The following PTPRG variants were observed in gnomAD, a reference collection of about 807,000 sequenced individuals.
PTPRG encodes receptor-type tyrosine-protein phosphatase gamma.
PTPRG carries 102 observed loss-of-function variants against 165.3 expected under a neutral mutation model. The ratio of observed to expected loss-of-function variants is 0.62; its 90% CI spans 0.53 to 0.73. The LOEUF (loss-of-function observed/expected upper bound fraction) is 0.73. Among genes scored for constraint, PTPRG ranks in the 30% least tolerant of loss-of-function variants. The pLI is 0.00. For synonymous variants in PTPRG, 675 were observed against 669.5 expected, an observed-to-expected ratio of 1.01 and a Z score of -0.13; for missense variants, 1,866 against 1,861.4, an observed-to-expected ratio of 1.00 and a Z score of -0.05.
intron 12 of PTPRG, among the ~76,000 whole-genome samples, chr3:62,208,039 T>G (rs1254662199): frequency 2.1e-4 from 32 of 152,206 alleles, no homozygotes; most frequent in Admixed American, 2.1e-3. Flanking sequence ...AATTTCTGCT[T>G]TTTAAAAATG....
chr3:61,689,600 A>G (rs1055790331), intron 1 of PTPRG, among the ~76,000 whole-genome samples: 1 of 152,194 alleles, frequency 6.6e-6, no homozygotes, highest in Non-Finnish European at 1.5e-5. Context: ...GACCTTGGAA[A>G]TTGAGGCACT....
intron 4 of PTPRG, among the ~76,000 whole-genome samples, chr3:62,047,488 C>G (rs2106638595): frequency 6.6e-6 from 1 of 151,782 alleles, no homozygotes; most frequent in Admixed American, 6.6e-5. Context: ...TGTCGATCTC[C>G]TGACCTCAGG....
chr3:61,838,367 TC>T (rs1394993900), intron 2 of PTPRG, among the ~76,000 whole-genome samples: 3 of 152,232 alleles, frequency 2.0e-5, no homozygotes, highest in African/African-American at 7.2e-5. Flanking sequence ...TTATATAGTT[TC>T]TTTTCCCTTT....
At chr3:61,698,207 G>T (rs1246421718) in intron 1 of PTPRG, among the ~76,000 whole-genome samples, 2 of 152,114 alleles carry the variant, frequency 1.3e-5, no homozygotes, top group Non-Finnish European at 2.9e-5. Flanking sequence ...GGTTGGGAAG[G>T]AAAGAGATTT....
rs76797045 is a variant in PTPRG, at chr3:61,678,478, G to A, written c.86-70400G>A. Among the ~76,000 whole-genome samples, 532 of 152,176 alleles carry A rather than the reference G, an allele frequency of 3.5e-3. 2 individuals carry two copies. Among genetic ancestry groups the A allele is most frequent in the African/African-American group, 0.012 (501 of 41,528 alleles). On this transcript the variant is annotated intron_variant, in intron 1 of 29. Transcript: ENST00000474889. ...CTGGAATTGACGGGAACAACCTGAT[G>A]GTATCTCCCCACATTCCCTTCTTAT...
At chr3:61,794,497 T>C (rs1321831432) in intron 2 of PTPRG, among the ~76,000 whole-genome samples, 1 of 152,222 alleles carries the variant, frequency 6.6e-6, no homozygotes, top group Non-Finnish European at 1.5e-5. Context: ...CCGAAGTCTT[T>C]CATCTCTTAG....
At chr3:62,147,212 A>G in intron 6 of PTPRG, among the ~76,000 whole-genome samples, 1 of 152,196 alleles carries the variant, frequency 6.6e-6, no homozygotes, top group Non-Finnish European at 1.5e-5. Context: ...TGAACTGGGA[A>G]AAGGAGGCAA....
intron 4 of PTPRG, among the ~76,000 whole-genome samples, chr3:62,048,178 C>T (rs1478049209): frequency 5.3e-5 from 8 of 151,716 alleles, no homozygotes; most frequent in African/African-American, 1.9e-4. Flanking sequence ...TAATAAAAAG[C>T]CCACTTAAAA....
chr3:61,655,002 G>T (rs1702471117), intron 1 of PTPRG, among the ~76,000 whole-genome samples: 1 of 151,550 alleles, frequency 6.6e-6, no homozygotes, highest in African/African-American at 2.4e-5. Context: ...GGCCAGGCTG[G>T]TCTCAAACTC....
intron 5 of PTPRG, among the ~76,000 whole-genome samples, chr3:62,130,558 A>G (rs1559545420): frequency 6.6e-6 from 1 of 152,208 alleles, no homozygotes. Flanking sequence ...CATCCCCACC[A>G]GAATGAATCA....
chr3:62,043,110 G>T (rs1489228671), intron 4 of PTPRG, among the ~76,000 whole-genome samples: 1 of 152,146 alleles, frequency 6.6e-6, no homozygotes, highest in Non-Finnish European at 1.5e-5. Context: ...ATTTTTAACA[G>T]ACAGAAGGCA....
intron 1 of PTPRG, among the ~76,000 whole-genome samples, chr3:61,585,628 T>G (rs569200780): frequency 3.3e-4 from 50 of 152,186 alleles, no homozygotes; most frequent in Non-Finnish European, 6.5e-4. Flanking sequence ...GTGCCTATAG[T>G]CCCAGCTACT....
At chr3:62,131,290 C>T (rs1411399976) in intron 5 of PTPRG, among the ~76,000 whole-genome samples, 1 of 152,182 alleles carries the variant, frequency 6.6e-6, no homozygotes, top group African/African-American at 2.4e-5. Context: ...TCACATGTCC[C>T]TCTTGTAGGG....
intron 1 of PTPRG, among the ~76,000 whole-genome samples, chr3:61,587,327 C>T (rs1205575972): frequency 2.0e-5 from 3 of 152,200 alleles, no homozygotes; most frequent in African/African-American, 7.2e-5. Flanking sequence ...TTCTCAGGTT[C>T]TCCAAATGTT....
intron 4 of PTPRG, among the ~76,000 whole-genome samples, chr3:62,067,286 A>G (rs1476445909): frequency 6.6e-6 from 1 of 150,498 alleles, no homozygotes; most frequent in Admixed American, 6.6e-5. Flanking sequence ...GTCAACCTCC[A>G]AAGCGTGAGT....
intron 1 of PTPRG, among the ~76,000 whole-genome samples, chr3:61,591,106 T>G (rs1415541832): frequency 1.3e-5 from 2 of 152,190 alleles, no homozygotes; most frequent in Non-Finnish European, 2.9e-5. Context: ...ATGCTGCAAA[T>G]GTAATTAGGC....
chr3:61,876,835 A>G (rs1362690023), intron 2 of PTPRG, among the ~76,000 whole-genome samples: 1 of 148,892 alleles, frequency 6.7e-6, no homozygotes, highest in Non-Finnish European at 1.5e-5. Flanking sequence ...TTTTTTCCCA[A>G]TATATATACT....
intron 1 of PTPRG, among the ~76,000 whole-genome samples, chr3:61,610,321 C>T (rs946911810): frequency 6.6e-6 from 1 of 152,106 alleles, no homozygotes; most frequent in Non-Finnish European, 1.5e-5. Context: ...ATCTGCAGTA[C>T]TACTACTGGC....
At chr3:62,251,275 C>T (rs901499213) in intron 15 of PTPRG, among the ~76,000 whole-genome samples, 3 of 152,116 alleles carry the variant, frequency 2.0e-5, no homozygotes, top group Non-Finnish European at 2.9e-5. Context: ...GTCCCAGCTA[C>T]GCAGGAGGCT....
Sources: gnomAD v4.1 joint callset for allele counts (sites outside exome capture counted in the v4.1 genomes callset) on GRCh38, gnomAD v4.1.1 for gene constraint, MANE v1.5 for transcripts, NCBI Gene and HGNC (gene_info 2026-07-23, HGNC 2026-07-21) for gene names.